GRIA1: variants seen among roughly 807,000 people sequenced by gnomAD.
The protein encoded by GRIA1 is glutamate ionotropic receptor AMPA type subunit 1.
In GRIA1, 31 loss-of-function variants were observed where a neutral mutation model predicts 99.2. The observed-to-expected ratio is 0.31, with a 90% confidence interval of 0.23 to 0.42. The LOEUF (loss-of-function observed/expected upper bound fraction) is 0.42, where lower values mean the gene tolerates loss of function less well. GRIA1 is among the 10% of genes least tolerant of loss of function. GRIA1 has a pLI of 1.00. For missense variants in GRIA1, 782 were observed against 1,157.5 expected (o/e 0.68, Z 4.71); for synonymous variants, 438 against 432.4 (o/e 1.01, Z -0.16).
chr5:153,549,210 C>T (rs1759893085), intron 2 of GRIA1, among the ~76,000 whole-genome samples: 2 of 152,042 alleles, frequency 1.3e-5, no homozygotes. Context: ...ATTAATGATC[C>T]CTGTTCTCAT....
At chr5:153,798,930 T>G (rs1765816815) in intron 14 of GRIA1, among the ~76,000 whole-genome samples, 1 of 150,310 alleles carries the variant, frequency 6.7e-6, no homozygotes, top group Non-Finnish European at 1.5e-5. Flanking sequence ...AGTGGGGGGG[T>G]TTCATCACCA....
intron 2 of GRIA1, among the ~76,000 whole-genome samples, chr5:153,592,802 G>C (rs2149387918): frequency 6.6e-6 from 1 of 152,312 alleles, no homozygotes; most frequent in African/African-American, 2.4e-5. Context: ...GGAAGTACAA[G>C]ATCAATGTGA....
rs1291178827 is a variant in GRIA1, at chr5:153,490,789, A to G, written c.-100A>G. Reference sequence around the variant, plus strand: ...AAGCAAGGAAGGAACTGCAGGAGGAAAAGAACAGGCAGAACAGCGAGAAGA... The same window carrying G: ...AAGCAAGGAAGGAACTGCAGGAGGAGAAGAACAGGCAGAACAGCGAGAAGA... On this transcript the variant is annotated 5_prime_UTR_variant, in exon 1 of 16. Coordinates refer to ENST00000285900, the MANE Select transcript of GRIA1 (RefSeq NM_000827.4). 4 of 896,448 alleles carry G rather than the reference A, an allele frequency of 4.5e-6. No individual in the cohort carries two copies. The African/African-American group carries it at 6.5e-5, about 15-fold the overall frequency. 55.5% of individuals were successfully genotyped at this position (896,448 alleles called of 1,614,324 possible).
chr5:153,625,131 T>C (rs1767471171), intron 2 of GRIA1, among the ~76,000 whole-genome samples: 1 of 152,176 alleles, frequency 6.6e-6, no homozygotes, highest in Non-Finnish European at 1.5e-5. Flanking sequence ...ATATTGCTGC[T>C]GAAGCTTAGC....
At chr5:153,669,931 G>C (rs1020404978) in intron 5 of GRIA1, among the ~76,000 whole-genome samples, 1 of 152,098 alleles carries the variant, frequency 6.6e-6, no homozygotes, top group Non-Finnish European at 1.5e-5. Context: ...TTCTTCTGAT[G>C]ATTACCTTGT....
intron 2 of GRIA1, among the ~76,000 whole-genome samples, chr5:153,517,102 C>G (rs1239204562): frequency 6.6e-6 from 1 of 152,144 alleles, no homozygotes; most frequent in African/African-American, 2.4e-5. Context: ...ATACATTGCC[C>G]TCAGCCACGC....
chr5:153,634,054 C>G (rs1174767374), intron 2 of GRIA1, among the ~76,000 whole-genome samples: 2 of 152,158 alleles, frequency 1.3e-5, no homozygotes, highest in African/African-American at 4.8e-5. Flanking sequence ...CGGTGGCTCA[C>G]TCCTGTAATC....
chr5:153,743,444 C>T (rs1311055881), intron 11 of GRIA1, among the ~76,000 whole-genome samples: 1 of 152,128 alleles, frequency 6.6e-6, no homozygotes, highest in Non-Finnish European at 1.5e-5. Flanking sequence ...GGGTTCTCTT[C>T]CAAACTCCTT....
intron 11 of GRIA1, among the ~76,000 whole-genome samples, chr5:153,727,356 A>G (rs971318068): frequency 6.6e-5 from 10 of 152,274 alleles, no homozygotes; most frequent in African/African-American, 2.2e-4. Flanking sequence ...CACCACTCCT[A>G]TTCAACATAG....
chr5:153,649,153 G>A (rs1283671079), intron 3 of GRIA1, among the ~76,000 whole-genome samples: 1 of 152,198 alleles, frequency 6.6e-6, no homozygotes, highest in Non-Finnish European at 1.5e-5. Flanking sequence ...AGGCAAGAGA[G>A]TGGATTCTTC....
chr5:153,783,064 C>T (rs1380798410), intron 13 of GRIA1, among the ~76,000 whole-genome samples: 2 of 152,156 alleles, frequency 1.3e-5, no homozygotes, highest in Non-Finnish European at 2.9e-5. Context: ...TTCTTCTCTT[C>T]CTCAGGAGCC....
intron 11 of GRIA1, among the ~76,000 whole-genome samples, chr5:153,715,339 C>G (rs1759596492): frequency 6.6e-6 from 1 of 151,862 alleles, no homozygotes; most frequent in Admixed American, 6.6e-5. Context: ...CTGCTCAACT[C>G]CTTCCCCATT....
chr5:153,810,036 T>C (rs899713660), intron 15 of GRIA1, among the ~76,000 whole-genome samples: 2 of 152,222 alleles, frequency 1.3e-5, no homozygotes, highest in East Asian at 3.9e-4. Context: ...CTGGATTTCC[T>C]ATCATCAATG....
chr5:153,679,064 G>A (rs184687379), intron 7 of GRIA1, among the ~76,000 whole-genome samples: 352 of 152,296 alleles, frequency 2.3e-3, no homozygotes, highest in Non-Finnish European at 2.9e-3. Flanking sequence ...TTGAAAGGAA[G>A]CAGTTTCCAT....
chr5:153,729,601 G>GCAAAA (rs1415521275), intron 11 of GRIA1, among the ~76,000 whole-genome samples: 1 of 151,858 alleles, frequency 6.6e-6, no homozygotes, highest in African/African-American at 2.4e-5. Context: ...GAACCACAGA[G>GCAAAA]CAAACATTTT....
intron 2 of GRIA1, among the ~76,000 whole-genome samples, chr5:153,617,383 G>T (rs533295449): frequency 1.3e-5 from 2 of 152,204 alleles, no homozygotes; most frequent in East Asian, 3.8e-4. Context: ...TGAATCAGCC[G>T]TTTGGTTCCC....
At chr5:153,710,735 G>A (rs1300375387) in intron 11 of GRIA1, among the ~76,000 whole-genome samples, 3 of 152,300 alleles carry the variant, frequency 2.0e-5, no homozygotes, top group South Asian at 2.1e-4. Context: ...AGGATATGAA[G>A]ATATATTGGT....
At chr5:153,698,806 C>A in intron 9 of GRIA1, 61 bp from the exon 10 acceptor site, 2 of 1,087,390 alleles carry the variant, frequency 1.8e-6, no homozygotes, top group East Asian at 2.4e-5. Flanking sequence ...ATGCCAAAGT[C>A]CTCCCTACCC....
chr5:153,799,968 T>C (rs1228584007), intron 14 of GRIA1, among the ~76,000 whole-genome samples: 2 of 152,184 alleles, frequency 1.3e-5, no homozygotes, highest in South Asian at 2.1e-4. Context: ...GGGAGGCAGA[T>C]ACCCTCTTAG....
Sources: gnomAD v4.1 joint callset for allele counts (sites outside exome capture counted in the v4.1 genomes callset) on GRCh38, gnomAD v4.1.1 for gene constraint, MANE v1.5 for transcripts, NCBI Gene and HGNC (gene_info 2026-07-23, HGNC 2026-07-21) for gene names.